The following PCGF3 variants were observed in gnomAD, a reference collection of about 807,000 sequenced individuals.
The protein encoded by PCGF3 is polycomb group RING finger protein 3.
In PCGF3, 7 loss-of-function variants were observed where a neutral mutation model predicts 33.1. The observed-to-expected ratio is 0.21, with a 90% CI of 0.12 to 0.40. The LOEUF (loss-of-function observed/expected upper bound fraction) is 0.40. Ranked by LOEUF, PCGF3 falls within the 10% of genes least tolerant of loss-of-function variation. The pLI, the probability that PCGF3 is intolerant of heterozygous loss-of-function variation, is 1.00. For synonymous variants in PCGF3, 153 were observed against 121.3 expected (o/e 1.26, Z -1.72); for missense variants, 211 against 313.3 (o/e 0.67, Z 2.46).
At chr4:760,099 T>C (rs1239389143) in intron 8 of PCGF3, among the ~76,000 whole-genome samples, 1 of 152,198 alleles carries the variant, frequency 6.6e-6, no homozygotes, top group African/African-American at 2.4e-5. Flanking sequence ...TCCACTTATC[T>C]CCCCAGTGGC....
intron 8 of PCGF3, chr4:757,795 C>T (rs902657671): frequency 2.0e-5 from 3 of 152,168 alleles, no homozygotes; most frequent in African/African-American, 4.8e-5. Flanking sequence ...CTCTTTCTTT[C>T]TTCCTCTGGT....
chr4:752,113 G>T (rs1317954633), intron 8 of PCGF3, among the ~76,000 whole-genome samples: 5 of 152,270 alleles, frequency 3.3e-5, no homozygotes, highest in Admixed American at 6.5e-5. Context: ...CCTCCTGGAA[G>T]ATGGTGCCCC....
intron 1 of PCGF3, among the ~76,000 whole-genome samples, chr4:709,091 G>T (rs1202199432): frequency 1.3e-5 from 2 of 152,244 alleles, no homozygotes; most frequent in African/African-American, 4.8e-5. Context: ...GGGAAGGGTT[G>T]TCTAGTGACA....
intron 4 of PCGF3, chr4:734,333 G>T (rs534264552): frequency 9.7e-6 from 14 of 1,442,330 alleles, no homozygotes; most frequent in South Asian, 1.5e-5. Flanking sequence ...GGCCCTGCTG[G>T]TGTGGACGAC....
intron 10 of PCGF3, among the ~76,000 whole-genome samples, chr4:765,684 G>A (rs1028432031): frequency 6.6e-6 from 1 of 152,112 alleles, no homozygotes; most frequent in Non-Finnish European, 1.5e-5. Context: ...TGCCTGGGGA[G>A]AGGGGGAGGA....
At chr4:727,919 C>T (rs979043325) in intron 1 of PCGF3, among the ~76,000 whole-genome samples, 6 of 152,122 alleles carry the variant, frequency 3.9e-5, no homozygotes, top group African/African-American at 1.4e-4. Context: ...GTGCCCTGAG[C>T]GTCTGGTGAA....
At chr4:767,298 A>G (rs977971806) in exon 11 of PCGF3, 5 of 152,146 alleles carry the variant, frequency 3.3e-5, no homozygotes, top group Non-Finnish European at 7.3e-5. Context: ...ATTAGAGAAT[A>G]AACAGCCACA....
At chr4:731,584 C>CAG (rs35758218) in intron 3 of PCGF3, among the ~76,000 whole-genome samples, 8,838 of 89,066 alleles carry the variant, frequency 0.099, 1,240 homozygotes, top group Non-Finnish European at 0.14. Context: ...GCGTGGTCCT[C>CAG]GGGCATAGGG....
intron 1 of PCGF3, among the ~76,000 whole-genome samples, chr4:723,169 C>T (rs554073938): frequency 2.6e-5 from 4 of 152,232 alleles, no homozygotes; most frequent in East Asian, 1.9e-4. Context: ...GGTCCACACT[C>T]GGTCATCGCC....
intron 1 of PCGF3, among the ~76,000 whole-genome samples, chr4:709,984 G>A (rs190169281): frequency 1.3e-5 from 2 of 152,354 alleles, no homozygotes; most frequent in Non-Finnish European, 2.9e-5. Flanking sequence ...GGCTTGTGAA[G>A]CTGAGTGTTC....
chr4:748,665 CCTT>C (rs1395917046), intron 8 of PCGF3, among the ~76,000 whole-genome samples: 3 of 152,284 alleles, frequency 2.0e-5, no homozygotes, highest in East Asian at 1.9e-4. Flanking sequence ...GAGGAAATCA[CCTT>C]CTTCTTTCAT....
At position 742,374 on chromosome 4, in the gene PCGF3, C is replaced by T. The variant is rs1577422868; in HGVS notation, c.263-1100C>T. Among the ~76,000 whole-genome samples, 3 of 152,248 alleles carry T rather than the reference C, an allele frequency of 2.0e-5. No individual in the cohort carries two copies. The South Asian group carries it at 6.2e-4, about 31-fold the overall frequency. ...AGGTTGGGGTATGCCCAGAGCGTTT[C>T]CCTGGCCTGGCCGAGCTCATGGTAT... On this transcript the variant is annotated intron_variant, in intron 6 of 10. Coordinates refer to ENST00000362003, the Ensembl canonical transcript of PCGF3.
Position 721,243 on chromosome 4 carries a change from G to A in PCGF3, c.-189-9387G>A, listed in dbSNP as rs914426986. ...GCTGTTCCACGGTGGCACAGGACAC[G>A]CCTGCAGCTTTGTGCCTGTGAATCT... On this transcript the variant is annotated intron_variant, in intron 1 of 10. Transcript: ENST00000362003. The surrounding 1 kb of genome is among the most constrained non-coding windows in gnomAD (Gnocchi z 4.1). 1.1e-4 allele frequency among the ~76,000 whole-genome samples: 17 copies of A among 152,288 alleles called. No homozygotes were observed. In the South Asian group the frequency reaches 1.7e-3, roughly 15 times the overall value.
rs138835924 is a variant in PCGF3, at chr4:761,569, GGATAGGA to G, written c.600+156_600+162del. On this transcript the variant is annotated intron_variant, in intron 9 of 10. Coordinates refer to ENST00000362003, the Ensembl canonical transcript of PCGF3. ...GTTTTGCCTGCTTCACCGGGGAGCG[GGATAGGA>G]GACAGCCCTAAGGGTTGTAGGATGC... Among the ~76,000 whole-genome samples the G allele has an allele frequency of 2.0e-5, 3 of 152,320 alleles. No homozygotes were observed. In the East Asian group the frequency reaches 5.8e-4, roughly 29 times the overall value.
chr4:748,159 C>T (rs1467149981), intron 8 of PCGF3, among the ~76,000 whole-genome samples: 1 of 151,844 alleles, frequency 6.6e-6, no homozygotes, highest in African/African-American at 2.4e-5. Context: ...CACAGAGATG[C>T]AGTAAAAGAA....
chr4:729,650 C>G (rs1046249262), intron 1 of PCGF3, among the ~76,000 whole-genome samples: 7 of 152,102 alleles, frequency 4.6e-5, no homozygotes, highest in Admixed American at 1.3e-4. Flanking sequence ...CTGATCTCCC[C>G]TTATATTTGC....
chr4:762,194 TAATTA>T (rs762032080), intron 9 of PCGF3: 67 of 632,600 alleles, frequency 1.1e-4, no homozygotes, highest in Admixed American at 1.3e-4. Context: ...TTTGTAGATA[TAATTA>T]AATAAAGGAT....
At chr4:706,080 C>T (rs952989568) in intron 1 of PCGF3, 110 bp downstream of exon 1, 1 of 154,188 alleles carries the variant, frequency 6.5e-6, no homozygotes, top group Non-Finnish European at 1.4e-5. Flanking sequence ...CGCGCTCCGT[C>T]GTCCCCGTCG....
intron 1 of PCGF3, among the ~76,000 whole-genome samples, chr4:727,551 T>C: frequency 6.6e-6 from 1 of 152,174 alleles, no homozygotes; most frequent in African/African-American, 2.4e-5. Context: ...AGTTTTGTTT[T>C]TTTTAAATCA....
Sources: allele counts gnomAD v4.1 joint callset (sites outside exome capture counted in the v4.1 genomes callset), GRCh38; gene constraint gnomAD v4.1.1; non-coding constraint Gnocchi (gnomAD v3.1); transcripts MANE v1.5; gene names NCBI Gene and HGNC (gene_info 2026-07-23, HGNC 2026-07-21).